Variants in HMCN1 observed in about 807,000 individuals in gnomAD.
HMCN1 encodes hemicentin-1.
A neutral mutation model predicts 625.9 loss-of-function variants in HMCN1; 321 were observed. The observed-to-expected ratio is 0.51, with a 90% CI of 0.47 to 0.56. HMCN1 has a LOEUF of 0.56. Among genes scored for constraint, HMCN1 ranks in the 20% least tolerant of loss-of-function variants. The pLI is 0.00. For synonymous variants in HMCN1, 2,425 were observed against 2,417.6 expected (o/e 1.00, Z -0.09); for missense variants, 6,588 against 6,887.3 (o/e 0.96, Z 1.54).
At position 186,137,636 on chromosome 1, in the gene HMCN1, A is replaced by G; in HGVS notation, c.13721A>G (p.Glu4574Gly). 2 of 1,614,086 alleles carry G rather than the reference A, an allele frequency of 1.2e-6. No homozygotes were observed. Among genetic ancestry groups the G allele is most frequent in the Non-Finnish European group, 1.7e-6 (2 of 1,179,974 alleles). ...GGKPCQGSDL[E>G]MRNCQNKPCP... ...AAGCCCTGCCAAGGTTCAGATTTGG[A>G]AATGCGAAACTGTCAAAATAAGCCT... The change falls in exon 88 of 107, where the codon GAA becomes GGA. Residue 4574 changes from glutamate to glycine, a missense_variant. Glu to Gly is a moderately conservative substitution (Grantham distance 98, BLOSUM62 -2). Around this residue, in one of 3 missense-constraint regions of HMCN1, gnomAD observed 1,954 missense variants for 2,013.1 expected, o/e 0.97. Coordinates refer to ENST00000271588, the MANE Select transcript of HMCN1 (RefSeq NM_031935.3).
chr1:186,081,129 T>G, intron 55 of HMCN1, 78 bp from the exon 56 acceptor site: 1 of 1,245,896 alleles, frequency 8.0e-7, no homozygotes, highest in Non-Finnish European at 1.2e-6. Flanking sequence ...CCCAAAGTTT[T>G]TAAAGCTGTC....
intron 6 of HMCN1, among the ~76,000 whole-genome samples, chr1:185,913,805 T>A (rs1170725793): frequency 6.6e-6 from 1 of 152,200 alleles, no homozygotes; most frequent in Non-Finnish European, 1.5e-5. Flanking sequence ...ATTTACTGAC[T>A]GCTCTTGGCC....
chr1:185,821,564 A>T (rs1057144118), intron 1 of HMCN1, among the ~76,000 whole-genome samples: 1 of 152,242 alleles, frequency 6.6e-6, no homozygotes, highest in Middle Eastern at 3.4e-3. Flanking sequence ...TGTAATTCAT[A>T]TATCACATAT....
chr1:185,786,885 T>C (rs952166820), intron 1 of HMCN1, among the ~76,000 whole-genome samples: 1 of 152,218 alleles, frequency 6.6e-6, no homozygotes, highest in Admixed American at 6.5e-5. Context: ...CAACATTTCA[T>C]AGGGAGACTT....
In HMCN1 at chr1:186,159,404, C is replaced by G. The variant is rs577345127; in HGVS notation, c.15256+5417C>G. Among the ~76,000 whole-genome samples, 628 of 152,110 alleles carry G rather than the reference C, an allele frequency of 4.1e-3. 5 individuals are homozygous for G. The highest frequency in any genetic ancestry group is 0.015 in the African/African-American group (612 of 41,470). On this transcript the variant is annotated intron_variant, in intron 97 of 106. Transcript: ENST00000271588. ...ACTTCCTCTTTTCCTAATTGAATGCCCTTTATTTCCTTCTCCTGCCTAATT... is the reference window on the plus strand; with the variant it reads ...ACTTCCTCTTTTCCTAATTGAATGCGCTTTATTTCCTTCTCCTGCCTAATT...
Position 186,190,091 on chromosome 1 carries a change from T to G in HMCN1, c.*213T>G, listed in dbSNP as rs769259028. ...AGTATGGTCTAGAAAAGTCCCTTATTATTTTATTTATTACACTGGAGCAGT... is the reference window on the plus strand; with the variant it reads ...AGTATGGTCTAGAAAAGTCCCTTATGATTTTATTTATTACACTGGAGCAGT... On this transcript the variant is annotated 3_prime_UTR_variant, in exon 107 of 107. Coordinates refer to ENST00000271588, the MANE Select transcript of HMCN1 (RefSeq NM_031935.3). 5 of 594,340 alleles carry G rather than the reference T, an allele frequency of 8.4e-6. No homozygotes were observed. Among genetic ancestry groups the G allele is most frequent in the Non-Finnish European group, 1.5e-5 (5 of 335,166 alleles). 36.8% of individuals were successfully genotyped at this position (594,340 alleles called of 1,614,324 possible).
intron 4 of HMCN1, among the ~76,000 whole-genome samples, chr1:185,867,214 C>T (rs1044368421): frequency 6.6e-6 from 1 of 152,084 alleles, no homozygotes; most frequent in East Asian, 1.9e-4. Flanking sequence ...AGGGTTATGC[C>T]TTAGGTTTAT....
intron 103 of HMCN1, among the ~76,000 whole-genome samples, chr1:186,175,174 A>AT (rs748977749): frequency 3.9e-5 from 6 of 152,190 alleles, no homozygotes; most frequent in Non-Finnish European, 7.4e-5. Context: ...TTTTCATCTT[A>AT]GTTATATTTG....
In HMCN1 at chr1:186,144,601, C is replaced by G; in HGVS notation, c.14164C>G (p.Gln4722Glu). ...TGTGTCATGTGGAGGAGGTGCCAGA[C>G]AGAGAACAAGGGGCTGCTCCGACCC... ...CSVSCGGGAR[Q>E]RTRGCSDPVP... Residue 4722 changes from glutamine to glutamate, a missense_variant, in exon 91 of 107, where the codon CAG (glutamine) becomes GAG (glutamate). Around this residue, in one of 3 missense-constraint regions of HMCN1, gnomAD observed 1,954 missense variants for 2,013.1 expected, o/e 0.97. Transcript: ENST00000271588. 1 of 1,614,078 alleles carries G rather than the reference C, an allele frequency of 6.2e-7. No individual in the cohort carries two copies. The highest frequency in any genetic ancestry group is 1.3e-5 in the African/African-American group (1 of 75,014).
At chr1:185,812,412 CA>C (rs924377268) in intron 1 of HMCN1, among the ~76,000 whole-genome samples, 3 of 151,728 alleles carry the variant, frequency 2.0e-5, no homozygotes, top group African/African-American at 4.8e-5. Context: ...GTTTCTTTAA[CA>C]AAAAAAGTGT....
At chr1:186,077,163 A>G (rs1450148561) in intron 54 of HMCN1, among the ~76,000 whole-genome samples, 1 of 152,160 alleles carries the variant, frequency 6.6e-6, no homozygotes, top group Admixed American at 6.6e-5. Context: ...ATCAGATTGT[A>G]CACTTAAGGT....
At chr1:185,845,948 A>G in intron 1 of HMCN1, 78 bp from the exon 2 acceptor site, 1 of 894,184 alleles carries the variant, frequency 1.1e-6, no homozygotes, top group Non-Finnish European at 1.9e-6. Flanking sequence ...GCAAGGTGAA[A>G]AGACATCTAT....
intron 104 of HMCN1, among the ~76,000 whole-genome samples, chr1:186,180,353 G>A (rs1018541961): frequency 6.6e-6 from 1 of 152,072 alleles, no homozygotes. Context: ...CTAGGTAATA[G>A]GTTACCATCC....
Position 185,970,491 on chromosome 1 carries a change from G to T in HMCN1, c.2369G>T (p.Gly790Val), listed in dbSNP as rs752448870. ...ACTGGCAAGATAACTCTGGATGTTG[G>T]CTGTAAGCCTCCAGATCTTATAGGC... Reference protein sequence around the residue: ...RATGKITLDVGSPPVFIQEPA... With the variant: ...RATGKITLDVVSPPVFIQEPA... Residue 790 changes from glycine (G) to valine (V), a missense_variant and splice_region_variant, in exon 15 of 107, where the codon GGC becomes GTC. Coordinates refer to ENST00000271588, the MANE Select transcript of HMCN1 (RefSeq NM_031935.3). 5.0e-6 allele frequency: 8 copies of T among 1,612,840 alleles called. No homozygotes were observed. The highest frequency in any genetic ancestry group is 6.8e-6 in the Non-Finnish European group (8 of 1,178,894).
At chr1:186,101,921 T>G (rs716755) in intron 68 of HMCN1, among the ~76,000 whole-genome samples, 97,094 of 152,004 alleles carry the variant, frequency 0.64, 33,168 homozygotes, top group African/African-American at 0.9. Context: ...AGAGAATCAA[T>G]AAATGATTTA....
At chr1:185,869,295 C>A (rs932756483) in intron 4 of HMCN1, among the ~76,000 whole-genome samples, 1 of 152,042 alleles carries the variant, frequency 6.6e-6, no homozygotes, top group African/African-American at 2.4e-5. Context: ...TCCCAGTTTC[C>A]CTGTCTGTAA....
At chr1:185,846,593 G>A (rs1330808256) in intron 2 of HMCN1, among the ~76,000 whole-genome samples, 1 of 152,150 alleles carries the variant, frequency 6.6e-6, no homozygotes, top group African/African-American at 2.4e-5. Context: ...TCTGAAAACA[G>A]AACTTAGAGG....
chr1:185,843,596 A>C (rs1571434072), intron 1 of HMCN1, among the ~76,000 whole-genome samples: 1 of 152,302 alleles, frequency 6.6e-6, no homozygotes, highest in Middle Eastern at 3.4e-3. Context: ...ATGTGAAAAG[A>C]AAGACTGGAA....
Position 185,965,835 on chromosome 1 carries a change from TCTTGGTTGCC to T in HMCN1, c.2138_2147del (p.Val713GlyfsTer3), listed in dbSNP as rs747533230. On this transcript the variant is annotated frameshift_variant, in exon 14 of 107. Coordinates refer to ENST00000271588, the MANE Select transcript of HMCN1 (RefSeq NM_031935.3). LOFTEE classifies it high-confidence loss of function. Reference sequence around the variant, plus strand: ...AAGTTGATGGTAGTTCAGAGTGAGCTCTTGGTTGCCCTTGGGGATATAACCGTTATGGAAT... The same window carrying T: ...AAGTTGATGGTAGTTCAGAGTGAGCTCTTGGGGATATAACCGTTATGGAAT... The T allele has an allele frequency of 5.0e-6, 8 of 1,612,538 alleles. No homozygotes were observed. The highest frequency in any genetic ancestry group is 6.8e-6 in the Non-Finnish European group (8 of 1,178,682).
Sources: gnomAD v4.1 joint callset for allele counts (sites outside exome capture counted in the v4.1 genomes callset) on GRCh38, gnomAD v4.1.1 for gene constraint, gnomAD v4.1.1 regional missense constraint, MANE v1.5 for transcripts, NCBI Gene and HGNC (gene_info 2026-07-23, HGNC 2026-07-21) for gene names.